RNF144B: variants seen among roughly 807,000 people sequenced by gnomAD.
RNF144B encodes the protein ring finger protein 144B, also known as E3 ubiquitin-protein ligase RNF144B.
A neutral mutation model predicts 40.2 loss-of-function variants in RNF144B; 25 were observed. That is an observed-to-expected ratio of 0.62 (90% confidence interval 0.45 to 0.87). RNF144B has a LOEUF of 0.87. RNF144B is among the 40% of genes least tolerant of loss of function. The pLI is 0.00. For synonymous variants in RNF144B, 145 were observed against 136.3 expected, an observed-to-expected ratio of 1.06 and a Z score of -0.44; for missense variants, 365 against 373.7, an observed-to-expected ratio of 0.98 and a Z score of 0.19.
rs1330008333 is a variant in RNF144B, at chr6:18,465,718, C to T, written c.*651C>T. ...GAAACTGCTGTGCAGAGGGAGTTGC[C>T]CCTTCCCAGTAAAAGAGTTGCAGCC... On this transcript the variant is annotated 3_prime_UTR_variant, in exon 8 of 8. Transcript: ENST00000259939. The T allele has an allele frequency of 6.6e-6, 1 of 152,192 alleles. No individual in the cohort carries two copies. 9.4% of individuals were successfully genotyped at this position (152,192 alleles called of 1,614,324 possible).
At chr6:18,437,464 G>A (rs901067409) in intron 3 of RNF144B, among the ~76,000 whole-genome samples, 4 of 152,058 alleles carry the variant, frequency 2.6e-5, no homozygotes, top group Non-Finnish European at 5.9e-5. Context: ...TACAAAAGAT[G>A]CAAGTCTAAA....
intron 4 of RNF144B, among the ~76,000 whole-genome samples, chr6:18,453,387 C>A (rs1759256200): frequency 6.6e-6 from 1 of 152,108 alleles, no homozygotes; most frequent in Non-Finnish European, 1.5e-5. Flanking sequence ...ATCCACCCGC[C>A]TCAGCCTCCC....
At chr6:18,391,740 C>T (rs1055702680) in intron 1 of RNF144B, among the ~76,000 whole-genome samples, 15 of 150,914 alleles carry the variant, frequency 9.9e-5, no homozygotes, top group African/African-American at 2.9e-4. Flanking sequence ...TGGTGGTGGG[C>T]GCCTGTAGTC....
intron 2 of RNF144B, among the ~76,000 whole-genome samples, chr6:18,426,695 C>T (rs1304575705): frequency 6.7e-6 from 1 of 150,054 alleles, no homozygotes; most frequent in African/African-American, 2.5e-5. Flanking sequence ...TTTTTCTATT[C>T]AGTTTCTTCT....
At position 18,463,266 on chromosome 6, in the gene RNF144B, T is replaced by C. The variant is rs760334133; in HGVS notation, c.682-25T>C. On this transcript the variant is annotated intron_variant, in intron 6 of 7. Transcript: ENST00000259939. ...TCTCAATTTAAAACTGCATATTTACTGAAATCAATCTTTTTATTTTTCAGA... is the reference window on the plus strand; with the variant it reads ...TCTCAATTTAAAACTGCATATTTACCGAAATCAATCTTTTTATTTTTCAGA... The C allele has an allele frequency of 9.0e-6, 13 of 1,438,226 alleles. No individual in the cohort carries two copies. In the South Asian group the frequency reaches 1.5e-4, roughly 16 times the overall value. 89.1% of individuals were successfully genotyped at this position (1,438,226 alleles called of 1,614,324 possible).
chr6:18,427,245 T>C (rs1412762283), intron 2 of RNF144B, among the ~76,000 whole-genome samples: 2 of 139,440 alleles, frequency 1.4e-5, no homozygotes, highest in African/African-American at 2.5e-5. Flanking sequence ...AAAATGGAAT[T>C]AGGAACTCAT....
chr6:18,457,674 A>T lies in RNF144B; in HGVS notation c.536+315A>T, dbSNP rs1461628389. 6.6e-6 allele frequency among the ~76,000 whole-genome samples: 1 copy of T among 152,114 alleles called. No homozygotes were observed. The highest frequency in any genetic ancestry group is 1.5e-5 in the Non-Finnish European group (1 of 68,028). On this transcript the variant is annotated intron_variant, in intron 5 of 7. Coordinates refer to ENST00000259939, the MANE Select transcript of RNF144B (RefSeq NM_182757.4). This position sits in a 1 kb window ranked among gnomAD's most constrained non-coding sequence, Gnocchi z 5.1. ...TGACTTGTTCCCGCTCTTTGCTCAG[A>T]TACAGTATCTGCCTGTATTGGTATA...
intron 4 of RNF144B, among the ~76,000 whole-genome samples, chr6:18,440,495 A>G (rs981849896): frequency 6.6e-6 from 1 of 152,092 alleles, no homozygotes; most frequent in Admixed American, 6.6e-5. Context: ...CTGAACATAA[A>G]GTTTTCTGAT....
rs1335383709 is a variant in RNF144B at position 18,459,327 on chromosome 6, G to C, written c.537-280G>C. Among the ~76,000 whole-genome samples the C allele has an allele frequency of 1.3e-5, 2 of 152,084 alleles. No homozygotes were observed. Among genetic ancestry groups the C allele is most frequent in the Admixed American group, 1.3e-4 (2 of 15,276 alleles). ...GCCAACTCCTTGCCATTCTTATTTA[G>C]GCAATGCATGCTTAGGGAATGAAAT... On this transcript the variant is annotated intron_variant, in intron 5 of 7. Transcript: ENST00000259939. The surrounding 1 kb of genome is among the most constrained non-coding windows in gnomAD (Gnocchi z 4.2).
chr6:18,396,717 A>G, intron 1 of RNF144B: 1 of 985,428 alleles, frequency 1.0e-6, no homozygotes. Flanking sequence ...TACAGGTGAG[A>G]AGACAACAGA....
intron 4 of RNF144B, among the ~76,000 whole-genome samples, chr6:18,453,444 T>C (rs1759258789): frequency 6.6e-6 from 1 of 152,112 alleles, no homozygotes; most frequent in Non-Finnish European, 1.5e-5. Context: ...AGCCTGCTTT[T>C]TTTTTGTTTG....
In RNF144B at chr6:18,425,946, A is replaced by G. The variant is rs1169738970; in HGVS notation, c.166-1635A>G. Among the ~76,000 whole-genome samples, 3 of 152,206 alleles carry G rather than the reference A, an allele frequency of 2.0e-5. No individual in the cohort carries two copies. The highest frequency in any genetic ancestry group is 4.4e-5 in the Non-Finnish European group (3 of 68,034). On this transcript the variant is annotated intron_variant, in intron 2 of 7. Transcript: ENST00000259939. This position sits in a 1 kb window ranked among gnomAD's most constrained non-coding sequence, Gnocchi z 4.2. ...TTTGAAGAGATACAAGTCTGGTTTA[A>G]ATGGTTTGCCCTAGTCATTGATTCA...
At chr6:18,396,631 G>A in intron 1 of RNF144B, 2 of 985,220 alleles carry the variant, frequency 2.0e-6, no homozygotes, top group Middle Eastern at 5.2e-4. Flanking sequence ...TCTTCTTGTT[G>A]TTTTACTTGG....
rs1200329534 is a variant in RNF144B, at chr6:18,441,596, C to A, written c.331+1852C>A. On this transcript the variant is annotated intron_variant, in intron 4 of 7. Coordinates refer to ENST00000259939, the MANE Select transcript of RNF144B (RefSeq NM_182757.4). This position sits in a 1 kb window ranked among gnomAD's most constrained non-coding sequence, Gnocchi z 4.9. Reference sequence around the variant, plus strand: ...ATGTCTTTTTTGTAATTAGAATATTCTAATATTACCAGGAATTACAACTTT... The same window carrying A: ...ATGTCTTTTTTGTAATTAGAATATTATAATATTACCAGGAATTACAACTTT... Among the ~76,000 whole-genome samples the A allele has an allele frequency of 6.6e-6, 1 of 152,100 alleles. No homozygotes were observed. Among genetic ancestry groups the A allele is most frequent in the Admixed American group, 6.6e-5 (1 of 15,264 alleles).
intron 2 of RNF144B, among the ~76,000 whole-genome samples, chr6:18,403,323 G>GGTTCGTT (rs2113465824): frequency 6.6e-6 from 1 of 152,290 alleles, no homozygotes; most frequent in African/African-American, 2.4e-5. Flanking sequence ...TCTGTCAGCC[G>GGTTCGTT]TGAATTAAGG....
rs1227693736 is a variant in RNF144B, at chr6:18,425,995, A to T, written c.166-1586A>T. 1.3e-5 allele frequency among the ~76,000 whole-genome samples: 2 copies of T among 152,226 alleles called. No homozygotes were observed. Among genetic ancestry groups the T allele is most frequent in the African/African-American group, 4.8e-5 (2 of 41,468 alleles). ...CATCAGTACATTGTAAGTTATTTAT[A>T]ACCAGATAAATACATGATTAGTTTT... On this transcript the variant is annotated intron_variant, in intron 2 of 7. Transcript: ENST00000259939. The surrounding 1 kb of genome is among the most constrained non-coding windows in gnomAD (Gnocchi z 4.2).
rs1422542451 is a variant in RNF144B at position 18,406,142 on chromosome 6, TAACTC to T, written c.165+6448_165+6452del. ...ATCAGATTAAGCCCTGGTTTTCAAA[TAACTC>T]AACTTTTCGTATGAGACATAGATGC... On this transcript the variant is annotated intron_variant, in intron 2 of 7. Coordinates refer to ENST00000259939, the MANE Select transcript of RNF144B (RefSeq NM_182757.4). The surrounding 1 kb of genome is among the most constrained non-coding windows in gnomAD (Gnocchi z 4.2). The T allele has an allele frequency of 5.8e-6, 3 of 518,886 alleles. No individual in the cohort carries two copies. In the East Asian group the frequency reaches 1.6e-4, roughly 28 times the overall value. The allele number at this position is 518,886 out of a possible 1,614,324, so 32.1% of individuals were successfully genotyped here. A position where few individuals can be genotyped will look rare whatever the true frequency, so the allele number is the denominator to read the frequency against.
Position 18,425,661 on chromosome 6 carries a change from A to G in RNF144B, c.166-1920A>G, listed in dbSNP as rs1309130531. Among the ~76,000 whole-genome samples, 4 of 152,192 alleles carry G rather than the reference A, an allele frequency of 2.6e-5. No individual in the cohort carries two copies. Among genetic ancestry groups the G allele is most frequent in the Admixed American group, 1.3e-4 (2 of 15,274 alleles). On this transcript the variant is annotated intron_variant, in intron 2 of 7. Transcript: ENST00000259939. This position sits in a 1 kb window ranked among gnomAD's most constrained non-coding sequence, Gnocchi z 4.2. ...AAACACAGTAATTATATGGCGGTCA[A>G]GTGCAAGAGAGGAGTGACTGCAGAG...
chr6:18,389,792 C>A (rs981474061), intron 1 of RNF144B, among the ~76,000 whole-genome samples: 1 of 152,148 alleles, frequency 6.6e-6, no homozygotes, highest in African/African-American at 2.4e-5. Flanking sequence ...TTCACTTGGA[C>A]TTTGGGGAAT....
Sources: gnomAD v4.1 joint callset for allele counts (sites outside exome capture counted in the v4.1 genomes callset) on GRCh38, gnomAD v4.1.1 for gene constraint, Gnocchi (gnomAD v3.1) non-coding constraint, MANE v1.5 for transcripts, NCBI Gene and HGNC (gene_info 2026-07-23, HGNC 2026-07-21) for gene names.